Variants in ZNF248 observed in about 807,000 individuals in gnomAD.
ZNF248 encodes the protein KRAB protein domain.
ZNF248 carries 20 observed loss-of-function variants against 44.3 expected under a neutral mutation model. The ratio of observed to expected loss-of-function variants is 0.45; its 90% CI spans 0.32 to 0.66. The LOEUF (loss-of-function observed/expected upper bound fraction) is 0.66, where lower values mean the gene tolerates loss of function less well. Among genes scored for constraint, ZNF248 ranks in the 30% least tolerant of loss-of-function variants. The probability of loss-of-function intolerance (pLI) is 0.04; values close to 1 mark genes in which losing one functional copy is unlikely to be tolerated. For missense variants in ZNF248, 654 were observed against 677.0 expected, an observed-to-expected ratio of 0.97 and a Z score of 0.38; for synonymous variants, 224 against 229.0, an observed-to-expected ratio of 0.98 and a Z score of 0.20.
the ZNF248 span, among the ~76,000 whole-genome samples, chr10:37,765,955 A>T: frequency 6.6e-5 from 10 of 152,360 alleles, no homozygotes; most frequent in South Asian, 1.0e-3. Context: ...ACACCAGGAG[A>T]TTATATCCCA....
intron 1 of ZNF248, chr10:37,856,862 A>C (rs2061384823): frequency 3.7e-6 from 1 of 270,168 alleles, no homozygotes; most frequent in Non-Finnish European, 5.7e-6. Flanking sequence ...TGCAGACTTG[A>C]CTTCTAATCT....
At chr10:37,825,882 C>CCTG (rs1251361726), downstream of ZNF248, among the ~76,000 whole-genome samples, 2 of 149,612 alleles carry the variant, frequency 1.3e-5, no homozygotes, top group Non-Finnish European at 3.0e-5. Context: ...ACTTGGTTGC[C>CCTG]CTGTGTCTGC....
intron 6 of ZNF248, chr10:37,796,057 T>C (rs2049117127): frequency 6.6e-6 from 1 of 152,138 alleles, no homozygotes. Flanking sequence ...AATACATTTC[T>C]CTCAGGAAGA....
intron 6 of ZNF248, among the ~76,000 whole-genome samples, chr10:37,814,926 T>C (rs1433503487): frequency 1.1e-4 from 16 of 152,234 alleles, no homozygotes; most frequent in Non-Finnish European, 2.4e-4. Flanking sequence ...TTTATATTTA[T>C]ATATTTCATC....
chr10:37,857,951 C>T (rs1393048442), upstream of ZNF248: 1 of 152,340 alleles, frequency 6.6e-6, no homozygotes, highest in Non-Finnish European at 1.5e-5. Flanking sequence ...CGCCCGCCCG[C>T]CTTCAGGGCA....
At chr10:37,815,197 G>T (rs35404142) in intron 6 of ZNF248, among the ~76,000 whole-genome samples, 4,169 of 152,060 alleles carry the variant, frequency 0.027, 139 homozygotes, top group African/African-American at 0.082. Flanking sequence ...CTCCCAAATA[G>T]CTGGGATTAC....
chr10:37,831,426 A>G lies in ZNF248; in HGVS notation c.*189T>C, dbSNP rs530043436. 3 of 1,499,742 alleles carry G rather than the reference A, an allele frequency of 2.0e-6. No individual in the cohort carries two copies. The Admixed American group carries it at 7.0e-5, about 35-fold the overall frequency. The allele number at this position is 1,499,742 out of a possible 1,614,324, so 92.9% of individuals were successfully genotyped here. A position where few individuals can be genotyped will look rare whatever the true frequency, so the allele number is the denominator to read the frequency against. On this transcript the variant is annotated 3_prime_UTR_variant, in exon 6 of 6. Transcript: ENST00000395867. ...AATTCCAGATAAATATTTTCACCAT[A>G]TTACTTAGATGAATAGAATTCCCCT... is the stretch of plus-strand genomic sequence containing the variant.
At chr10:37,851,390 T>C (rs1012660468) in intron 3 of ZNF248, among the ~76,000 whole-genome samples, 3 of 152,178 alleles carry the variant, frequency 2.0e-5, no homozygotes, top group African/African-American at 7.2e-5. Context: ...CGGCCATTTA[T>C]TTGCTTTCCC....
downstream of ZNF248, among the ~76,000 whole-genome samples, chr10:37,827,707 G>A (rs2054607150): frequency 6.6e-6 from 1 of 152,188 alleles, no homozygotes; most frequent in Admixed American, 6.5e-5. Context: ...GGAGAGATAT[G>A]ATGAAAGGAT....
chr10:37,818,082 A>AT (rs1381434734), intron 6 of ZNF248, among the ~76,000 whole-genome samples: 1 of 151,594 alleles, frequency 6.6e-6, no homozygotes, highest in Non-Finnish European at 1.5e-5. Context: ...AGCCTGGCTA[A>AT]TTTTTTTGTA....
At chr10:37,801,386 C>T (rs1166720632) in intron 6 of ZNF248, among the ~76,000 whole-genome samples, 2 of 151,064 alleles carry the variant, frequency 1.3e-5, no homozygotes, top group African/African-American at 4.9e-5. Flanking sequence ...AAAAAAAAAA[C>T]ATTATATTGA....
chr10:37,764,538 C>T, the ZNF248 span, among the ~76,000 whole-genome samples: 1 of 152,178 alleles, frequency 6.6e-6, no homozygotes, highest in East Asian at 1.9e-4. Context: ...TTGAAAATCA[C>T]TAATAAAAAC....
intron 6 of ZNF248, among the ~76,000 whole-genome samples, chr10:37,805,808 A>T (rs2050471885): frequency 1.3e-5 from 2 of 152,172 alleles, no homozygotes; most frequent in African/African-American, 4.8e-5. Flanking sequence ...CACAATGTTA[A>T]GAATATTCAC....
In ZNF248 at chr10:37,828,797, C is replaced by T. The variant is rs1288078616; in HGVS notation, c.*2818G>A. On this transcript the variant is annotated 3_prime_UTR_variant, in exon 6 of 6. Transcript: ENST00000395867. Reference sequence around the variant, plus strand: ...AACTGGCTATTTATTTGGAAGAATACAGAGCTGCTTACCTTACACCACATA... The same window carrying T: ...AACTGGCTATTTATTTGGAAGAATATAGAGCTGCTTACCTTACACCACATA... 1 of 985,232 alleles carries T rather than the reference C, an allele frequency of 1.0e-6. No homozygotes were observed. The highest frequency in any genetic ancestry group is 1.7e-5 in the African/African-American group (1 of 57,200). 61.0% of individuals were successfully genotyped at this position (985,232 alleles called of 1,614,324 possible).
At chr10:37,827,007 A>G (rs1194832860), downstream of ZNF248, among the ~76,000 whole-genome samples, 2 of 152,178 alleles carry the variant, frequency 1.3e-5, no homozygotes, top group African/African-American at 4.8e-5. Context: ...GGTTGAAGAG[A>G]ACTCATCTGT....
At chr10:37,780,707 G>A (rs2047187281) in intron 6 of ZNF248, among the ~76,000 whole-genome samples, 1 of 152,034 alleles carries the variant, frequency 6.6e-6, no homozygotes, top group Non-Finnish European at 1.5e-5. Flanking sequence ...GCCTGGACGC[G>A]CGCGCACGTG....
Position 37,831,912 on chromosome 10 carries a change from C to T in ZNF248, c.1443G>A (p.Val481=), listed in dbSNP as rs772828000. ...TCTCCCCTGTGTGTGTTCTCTGATG[C>T]ACAGTGAGGGCTGATCTGTGGCAGA... The part of the protein sequence containing the change: ...KSFCHRSALT[V]HQRTHTGEKP... The change falls in exon 6 of 6, where the codon GTG becomes GTA. Residue 481 remains valine (V), a synonymous_variant. Coordinates refer to ENST00000395867, the MANE Select transcript of ZNF248 (RefSeq NM_021045.3). The T allele has an allele frequency of 1.9e-6, 3 of 1,612,208 alleles. No individual in the cohort carries two copies. Among genetic ancestry groups the T allele is most frequent in the South Asian group, 1.1e-5 (1 of 90,956 alleles).
rs200693631 is a variant in ZNF248, at chr10:37,833,095, T to C, written c.260A>G (p.Asp87Gly). The change falls in exon 6 of 6, where the codon GAC becomes GGC. Residue 87 changes from aspartate to glycine, a missense_variant. Coordinates refer to ENST00000395867, the MANE Select transcript of ZNF248 (RefSeq NM_021045.3). Reference sequence around the variant, plus strand: ...ATTTTCCTGGCTGCTCTCTAACACGTCATCAACTTTCCATTTCCTTTCTAG... The same window carrying C: ...ATTTTCCTGGCTGCTCTCTAACACGCCATCAACTTTCCATTTCCTTTCTAG... ...CHPERKWKVD[D>G]VLESSQENED... The C allele has an allele frequency of 1.2e-4, 193 of 1,591,736 alleles. 1 individual carries two copies. The East Asian group carries it at 3.2e-3, about 27-fold the overall frequency.
chr10:37,778,077 T>C, intron 6 of ZNF248, among the ~76,000 whole-genome samples: 1 of 152,196 alleles, frequency 6.6e-6, no homozygotes, highest in East Asian at 1.9e-4. Flanking sequence ...GGTCAAATGG[T>C]ACTTCCAGTT....
Sources: gnomAD v4.1 joint callset for allele counts (sites outside exome capture counted in the v4.1 genomes callset) on GRCh38, gnomAD v4.1.1 for gene constraint, MANE v1.5 for transcripts, NCBI Gene and HGNC (gene_info 2026-07-23, HGNC 2026-07-21) for gene names.